ARHGAP24: variants seen among roughly 807,000 people sequenced by gnomAD.
ARHGAP24 encodes the protein rho GTPase-activating protein 24.
In ARHGAP24, 50 loss-of-function variants were observed where a neutral mutation model predicts 76.4. The observed-to-expected ratio is 0.65, with a 90% confidence interval of 0.52 to 0.83. The LOEUF (loss-of-function observed/expected upper bound fraction) is 0.83, where lower values mean the gene tolerates loss of function less well. Ranked by LOEUF, ARHGAP24 falls within the 40% of genes least tolerant of loss-of-function variation. The pLI is 0.00. For synonymous variants in ARHGAP24, 345 were observed against 323.3 expected (o/e 1.07, Z -0.72); for missense variants, 930 against 914.2 (o/e 1.02, Z -0.22).
intron 3 of ARHGAP24, among the ~76,000 whole-genome samples, chr4:85,922,485 G>C (rs1167712511): frequency 6.6e-6 from 1 of 152,114 alleles, no homozygotes; most frequent in Non-Finnish European, 1.5e-5. Flanking sequence ...ACTCAGATAT[G>C]AATTAATTCA....
At chr4:85,570,908 A>C (rs73835219) in intron 2 of ARHGAP24, 187 bp downstream of exon 2, 4 of 620,334 alleles carry the variant, frequency 6.4e-6, no homozygotes, top group Non-Finnish European at 1.1e-5. Flanking sequence ...ATTGAGGCCA[A>C]GAGGCAAATT....
chr4:85,654,027 G>A (rs1044122449), intron 2 of ARHGAP24, among the ~76,000 whole-genome samples: 1 of 151,926 alleles, frequency 6.6e-6, no homozygotes, highest in Non-Finnish European at 1.5e-5. Flanking sequence ...TGGTACTAGA[G>A]TATGTATTAC....
rs575538573 is a variant in ARHGAP24 at position 85,615,460 on chromosome 4, G to A, written c.180+44739G>A. 1.3e-4 allele frequency among the ~76,000 whole-genome samples: 20 copies of A among 152,072 alleles called. 1 individual carries two copies. Among genetic ancestry groups the A allele is most frequent in the South Asian group, 8.3e-4 (4 of 4,818 alleles). On this transcript the variant is annotated intron_variant, in intron 2 of 9. Transcript: ENST00000395184. ...AATTTAATATTCAGCTTACCTGTGC[G>A]GAAATAAATAAGTCTCACCAGGGTA... is the stretch of plus-strand genomic sequence containing the variant.
chr4:85,614,430 G>A (rs925310275), intron 2 of ARHGAP24, among the ~76,000 whole-genome samples: 2 of 151,856 alleles, frequency 1.3e-5, no homozygotes, highest in East Asian at 1.9e-4. Flanking sequence ...GTCAGAGATC[G>A]CATCTAGAGG....
At chr4:85,608,788 G>A (rs146742325) in intron 2 of ARHGAP24, among the ~76,000 whole-genome samples, 1 of 152,114 alleles carries the variant, frequency 6.6e-6, no homozygotes, top group East Asian at 1.9e-4. Context: ...TCGAACTCCT[G>A]ACCTCAGGCA....
At chr4:85,526,379 G>A (rs570104411) in intron 1 of ARHGAP24, among the ~76,000 whole-genome samples, 2 of 146,684 alleles carry the variant, frequency 1.4e-5, no homozygotes, top group Non-Finnish European at 3.0e-5. Flanking sequence ...GAGCCTGGGC[G>A]ACAGAGCAAG....
intron 2 of ARHGAP24, among the ~76,000 whole-genome samples, chr4:85,678,688 T>TA: frequency 6.6e-6 from 1 of 152,196 alleles, no homozygotes; most frequent in Non-Finnish European, 1.5e-5. Flanking sequence ...AAATAAAGTG[T>TA]AACTACATTT....
chr4:85,599,772 TTAA>T (rs1719973070), intron 2 of ARHGAP24, among the ~76,000 whole-genome samples: 1 of 152,210 alleles, frequency 6.6e-6, no homozygotes. Flanking sequence ...TAATATCTCC[TTAA>T]TAAATTCTAT....
At chr4:85,946,552 G>C (rs933444643) in intron 5 of ARHGAP24, among the ~76,000 whole-genome samples, 1 of 152,082 alleles carries the variant, frequency 6.6e-6, no homozygotes, top group Non-Finnish European at 1.5e-5. Context: ...CCAATGTTTA[G>C]TTCCCACTTA....
In ARHGAP24 at chr4:85,700,610, G is replaced by T. The variant is rs149505597; in HGVS notation, c.181-21275G>T. 2.2e-3 allele frequency among the ~76,000 whole-genome samples: 342 copies of T among 152,184 alleles called. 1 individual carries two copies. The highest frequency in any genetic ancestry group is 0.017 in the South Asian group (81 of 4,816). ...GGTAATGGTGGTTGGGGAGGTGGTG[G>T]TTAAAGAGCTTAGTTCTGTTTGTGG... is the stretch of plus-strand genomic sequence containing the variant. On this transcript the variant is annotated intron_variant, in intron 2 of 9. Coordinates refer to ENST00000395184, the MANE Select transcript of ARHGAP24 (RefSeq NM_001025616.3).
chr4:85,661,754 G>C (rs2109992616), intron 2 of ARHGAP24, among the ~76,000 whole-genome samples: 1 of 151,664 alleles, frequency 6.6e-6, no homozygotes, highest in South Asian at 2.1e-4. Flanking sequence ...ACCTATGAGT[G>C]AGAGCATGCG....
At chr4:85,504,622 T>C (rs1258522835) in intron 1 of ARHGAP24, among the ~76,000 whole-genome samples, 1 of 152,202 alleles carries the variant, frequency 6.6e-6, no homozygotes, top group African/African-American at 2.4e-5. Context: ...TCTCTGCACA[T>C]GAGACGGGTC....
At chr4:85,875,815 C>A (rs908087219) in intron 3 of ARHGAP24, among the ~76,000 whole-genome samples, 11 of 150,226 alleles carry the variant, frequency 7.3e-5, no homozygotes, top group African/African-American at 2.7e-4. Flanking sequence ...AATCTCAGCT[C>A]AGTGCAACCT....
intron 3 of ARHGAP24, among the ~76,000 whole-genome samples, chr4:85,877,189 A>T (rs1339239523): frequency 6.6e-6 from 1 of 152,098 alleles, no homozygotes; most frequent in African/African-American, 2.4e-5. Flanking sequence ...TGTTAGCCTG[A>T]GGTAGTTTTT....
At chr4:85,611,085 A>G (rs1419727244) in intron 2 of ARHGAP24, among the ~76,000 whole-genome samples, 1 of 152,216 alleles carries the variant, frequency 6.6e-6, no homozygotes, top group Non-Finnish European at 1.5e-5. Context: ...AAGTTTTATT[A>G]GGATTTTTAT....
intron 2 of ARHGAP24, among the ~76,000 whole-genome samples, chr4:85,573,583 A>G (rs1037995966): frequency 1.3e-5 from 2 of 152,248 alleles, no homozygotes; most frequent in African/African-American, 4.8e-5. Flanking sequence ...AGTTTAAGCC[A>G]CATTAAATAA....
chr4:85,479,096 T>C (rs183364949), intron 1 of ARHGAP24, among the ~76,000 whole-genome samples: 1 of 152,306 alleles, frequency 6.6e-6, no homozygotes, highest in Admixed American at 6.5e-5. Context: ...CACTCCAACT[T>C]ATGAAGATAG....
rs1208850173 is a variant in ARHGAP24 at position 85,475,402 on chromosome 4, C to G, written c.-178C>G. 3.9e-5 allele frequency: 6 copies of G among 152,852 alleles called. No individual in the cohort carries two copies. In the South Asian group the frequency reaches 8.3e-4, roughly 21 times the overall value. 9.5% of individuals were successfully genotyped at this position (152,852 alleles called of 1,614,324 possible). A position where few individuals can be genotyped will look rare whatever the true frequency, so the allele number is the denominator to read the frequency against. On this transcript the variant is annotated 5_prime_UTR_variant, in exon 1 of 10. Coordinates refer to ENST00000395184, the MANE Select transcript of ARHGAP24 (RefSeq NM_001025616.3). ...TTCCTCCGAAACCCGCGCTGCGGAGCAGCCCAGTGCATAGAGTTCAACACT... is the reference window on the plus strand; with the variant it reads ...TTCCTCCGAAACCCGCGCTGCGGAGGAGCCCAGTGCATAGAGTTCAACACT...
intron 1 of ARHGAP24, among the ~76,000 whole-genome samples, chr4:85,564,412 G>GAA (rs1252166129): frequency 6.9e-6 from 1 of 144,534 alleles, no homozygotes; most frequent in African/African-American, 2.8e-5. Context: ...GGGAGCGGGG[G>GAA]GGATAGCATT....
Sources: gnomAD v4.1 joint callset for allele counts (sites outside exome capture counted in the v4.1 genomes callset) on GRCh38, gnomAD v4.1.1 for gene constraint, MANE v1.5 for transcripts, NCBI Gene and HGNC (gene_info 2026-07-23, HGNC 2026-07-21) for gene names.